NELL2: variants seen among roughly 807,000 people sequenced by gnomAD.
The protein encoded by NELL2 is protein kinase C-binding protein NELL2.
Under a neutral mutation model 109.6 loss-of-function variants are expected in NELL2, and 41 were observed. The observed-to-expected ratio is 0.37, with a 90% CI of 0.29 to 0.49. The LOEUF (loss-of-function observed/expected upper bound fraction) is 0.49. Among genes scored for constraint, NELL2 ranks in the 20% least tolerant of loss-of-function variants. NELL2 has a pLI of 0.98. For missense variants in NELL2, 900 were observed against 1,008.3 expected (o/e 0.89, Z 1.45); for synonymous variants, 355 against 344.7 (o/e 1.03, Z -0.33).
chr12:44,696,145 G>T (rs1242207227), intron 12 of NELL2, among the ~76,000 whole-genome samples: 1 of 152,210 alleles, frequency 6.6e-6, no homozygotes, highest in Non-Finnish European at 1.5e-5. Flanking sequence ...GCATTACAAA[G>T]ACAGGAATGA....
At chr12:44,538,557 T>C (rs1942398792) in intron 15 of NELL2, among the ~76,000 whole-genome samples, 1 of 152,268 alleles carries the variant, frequency 6.6e-6, no homozygotes, top group East Asian at 1.9e-4. Flanking sequence ...AGGTTATTAA[T>C]AGGAGAGTGA....
chr12:44,770,522 C>A (rs1201098557), intron 9 of NELL2, among the ~76,000 whole-genome samples: 3 of 152,134 alleles, frequency 2.0e-5, no homozygotes, highest in African/African-American at 7.2e-5. Context: ...TTTAACTAAA[C>A]CAAGATGGCT....
At chr12:44,735,039 T>C (rs191012726) in intron 9 of NELL2, among the ~76,000 whole-genome samples, 205 of 152,268 alleles carry the variant, frequency 1.3e-3, no homozygotes, top group African/African-American at 4.5e-3. Context: ...TCATTATTCC[T>C]TTGAAGTTAA....
At position 44,759,948 on chromosome 12, in the gene NELL2, T is replaced by C. The variant is rs184516788; in HGVS notation, c.994+14799A>G. Among the ~76,000 whole-genome samples, 230 of 152,312 alleles carry C rather than the reference T, an allele frequency of 1.5e-3. 2 individuals carry two copies. The highest frequency in any genetic ancestry group is 5.1e-3 in the African/African-American group (210 of 41,568). On this transcript the variant is annotated intron_variant, in intron 9 of 19. Coordinates refer to ENST00000429094, the MANE Select transcript of NELL2 (RefSeq NM_001145108.2). ...CCGTCTCTTTCACTACCTTTTAAAA[T>C]TCGTATCATATACCTATGGCAGAGT...
At chr12:44,602,682 A>G (rs1243704611) in intron 15 of NELL2, among the ~76,000 whole-genome samples, 1 of 152,128 alleles carries the variant, frequency 6.6e-6, no homozygotes, top group African/African-American at 2.4e-5. Context: ...AAGAAAAGGT[A>G]TGCCATGTCC....
intron 2 of NELL2, among the ~76,000 whole-genome samples, chr12:44,863,379 A>C (rs184686919): frequency 1.3e-5 from 2 of 152,234 alleles, no homozygotes; most frequent in Non-Finnish European, 2.9e-5. Context: ...ACTGTCAAAA[A>C]TCAAAGACAA....
intron 3 of NELL2, among the ~76,000 whole-genome samples, chr12:44,790,598 A>G (rs1375107340): frequency 1.3e-5 from 2 of 151,668 alleles, no homozygotes; most frequent in African/African-American, 4.8e-5. Context: ...AACAACAACA[A>G]CAACAAAAAA....
chr12:44,775,481 G>A (rs1941721708), intron 8 of NELL2, among the ~76,000 whole-genome samples: 1 of 152,108 alleles, frequency 6.6e-6, no homozygotes, highest in South Asian at 2.1e-4. Context: ...ATATATTTCT[G>A]AAATCATAAT....
chr12:44,533,759 G>C (rs2139013399), intron 15 of NELL2, among the ~76,000 whole-genome samples: 1 of 152,250 alleles, frequency 6.6e-6, no homozygotes, highest in South Asian at 2.1e-4. Flanking sequence ...GCTTTACAAA[G>C]TGTCTCCTTC....
At chr12:44,875,161 G>A in intron 2 of NELL2, 64 bp downstream of exon 2, 1 of 1,563,542 alleles carries the variant, frequency 6.4e-7, no homozygotes, top group Non-Finnish European at 8.7e-7. Context: ...CAAGCGGCAA[G>A]AGCAACTCCT....
intron 15 of NELL2, among the ~76,000 whole-genome samples, chr12:44,594,192 T>C (rs906700280): frequency 3.9e-5 from 6 of 152,068 alleles, no homozygotes; most frequent in African/African-American, 1.4e-4. Flanking sequence ...CTAATGCAGA[T>C]GACGGGTTGA....
At chr12:44,821,825 C>G (rs1350777257) in intron 2 of NELL2, among the ~76,000 whole-genome samples, 2 of 151,978 alleles carry the variant, frequency 1.3e-5, no homozygotes, top group African/African-American at 4.8e-5. Flanking sequence ...TCAACTGATT[C>G]TCGTGCCTCA....
intron 13 of NELL2, among the ~76,000 whole-genome samples, chr12:44,644,600 A>G (rs866074009): frequency 0.026 from 2,372 of 91,274 alleles, 83 homozygotes; most frequent in African/African-American, 0.095. Flanking sequence ...ATATATATAT[A>G]TATGTATGTA....
intron 2 of NELL2, among the ~76,000 whole-genome samples, chr12:44,837,195 T>C (rs2136740607): frequency 6.6e-6 from 1 of 152,356 alleles, no homozygotes; most frequent in Middle Eastern, 3.4e-3. Context: ...GTACTATTAG[T>C]GTCCTTATTT....
At chr12:44,876,594 T>C, upstream of NELL2, 1 of 1,544,532 alleles carries the variant, frequency 6.5e-7, no homozygotes, top group Non-Finnish European at 8.7e-7. Flanking sequence ...TGATGGGCGG[T>C]CTTTGCTCTC....
intron 13 of NELL2, among the ~76,000 whole-genome samples, chr12:44,623,997 C>G (rs1291421599): frequency 6.6e-6 from 1 of 151,170 alleles, no homozygotes; most frequent in Admixed American, 6.6e-5. Flanking sequence ...GGGGTGGGGG[C>G]TAGGGGAGGG....
intron 9 of NELL2, among the ~76,000 whole-genome samples, chr12:44,722,860 T>C (rs986668245): frequency 6.6e-5 from 10 of 152,086 alleles, no homozygotes; most frequent in African/African-American, 1.4e-4. Flanking sequence ...ATCTCAACAA[T>C]AGATGCATAT....
chr12:44,903,784 A>T (rs558663923), intron 1 of NELL2, among the ~76,000 whole-genome samples: 118 of 151,792 alleles, frequency 7.8e-4, no homozygotes, highest in African/African-American at 2.7e-3. Flanking sequence ...AAACTAACAC[A>T]GGAACAGATA....
intron 15 of NELL2, among the ~76,000 whole-genome samples, chr12:44,550,250 T>C (rs1942976652): frequency 6.6e-6 from 1 of 151,924 alleles, no homozygotes; most frequent in African/African-American, 2.4e-5. Context: ...AACTTAAAAT[T>C]AAAAAATCAA....
Sources: gnomAD v4.1 joint callset for allele counts (sites outside exome capture counted in the v4.1 genomes callset) on GRCh38, gnomAD v4.1.1 for gene constraint, MANE v1.5 for transcripts, NCBI Gene and HGNC (gene_info 2026-07-23, HGNC 2026-07-21) for gene names.